PLCG2: variants seen among roughly 807,000 people sequenced by gnomAD.
PLCG2 encodes the protein 1-phosphatidylinositol 4,5-bisphosphate phosphodiesterase gamma-2.
In PLCG2, 69 loss-of-function variants were observed where a neutral mutation model predicts 175.6. The ratio of observed to expected loss-of-function variants is 0.39; its 90% CI spans 0.32 to 0.48. PLCG2 has a LOEUF of 0.48. Among genes scored for constraint, PLCG2 ranks in the 20% least tolerant of loss-of-function variants. The pLI, the probability that PLCG2 is intolerant of heterozygous loss-of-function variation, is 0.91. For missense variants in PLCG2, 1,798 were observed against 1,650.9 expected, an observed-to-expected ratio of 1.09 and a Z score of -1.54; for synonymous variants, 827 against 624.0, an observed-to-expected ratio of 1.33 and a Z score of -4.85.
chr16:81,865,788 C>T lies in PLCG2; in HGVS notation c.480-3426C>T, dbSNP rs546197216. Among the ~76,000 whole-genome samples, 679 of 149,366 alleles carry T rather than the reference C, an allele frequency of 4.5e-3. 10 individuals carry two copies. The highest frequency in any genetic ancestry group is 0.016 in the African/African-American group (642 of 40,258). On this transcript the variant is annotated intron_variant, in intron 5 of 32. Coordinates refer to ENST00000564138, the MANE Select transcript of PLCG2 (RefSeq NM_002661.5). ...AGGACGCTGGCCTCTCCCTTGCTCC[C>T]AGGATGGGCTCCACTGGGCACCAGC...
chr16:81,956,874 C>T lies in PLCG2; in HGVS notation c.3750C>T (p.Asn1250=). 1 of 1,613,042 alleles carries T rather than the reference C, an allele frequency of 6.2e-7. No individual in the cohort carries two copies. Among genetic ancestry groups the T allele is most frequent in the Non-Finnish European group, 8.5e-7 (1 of 1,179,270 alleles). The change falls in exon 32 of 33, where the codon AAC becomes AAT. Residue 1250 remains asparagine, a synonymous_variant. Transcript: ENST00000564138. The stretch of plus-strand genomic sequence containing the variant: ...TCCAGCTGTACCAGGAGAAATGCAA[C>T]AAGAGGTAGGTCAGCCCCTCCACCT... ...NQLQLYQEKC[N]KRLREKRVSN...
chr16:81,899,529 C>T (rs776813206), intron 13 of PLCG2, among the ~76,000 whole-genome samples: 2 of 152,140 alleles, frequency 1.3e-5, no homozygotes, highest in African/African-American at 2.4e-5. Flanking sequence ...GCGATGCACA[C>T]GTGTTCAGCT....
At chr16:81,872,067 G>T (rs1421952514) in intron 7 of PLCG2, among the ~76,000 whole-genome samples, 2 of 152,108 alleles carry the variant, frequency 1.3e-5, no homozygotes, top group Non-Finnish European at 2.9e-5. Flanking sequence ...AGTGGTTGAC[G>T]CCTGTAACCC....
chr16:81,896,535 G>A (rs1567521588), intron 13 of PLCG2, among the ~76,000 whole-genome samples: 1 of 151,878 alleles, frequency 6.6e-6, no homozygotes, highest in Non-Finnish European at 1.5e-5. Context: ...GTCACATTGC[G>A]CCACTGCACT....
At chr16:81,790,473 G>T (rs1911180886) in intron 2 of PLCG2, among the ~76,000 whole-genome samples, 1 of 152,182 alleles carries the variant, frequency 6.6e-6, no homozygotes, top group Admixed American at 6.5e-5. Context: ...CCTGGGTGGG[G>T]ACTGTCAGTG....
chr16:81,768,819 G>A (rs530150277), intron 2 of PLCG2, among the ~76,000 whole-genome samples: 6 of 152,098 alleles, frequency 3.9e-5, no homozygotes, highest in South Asian at 2.1e-4. Flanking sequence ...CATGCACCTC[G>A]GCCTCCCAAA....
intron 24 of PLCG2, among the ~76,000 whole-genome samples, chr16:81,929,967 C>T (rs1910433513): frequency 6.6e-6 from 1 of 152,200 alleles, no homozygotes; most frequent in African/African-American, 2.4e-5. Context: ...CAGGTTTGAA[C>T]TGAGCCTCAG....
chr16:81,855,452 G>A (rs1906636136), intron 3 of PLCG2, among the ~76,000 whole-genome samples: 1 of 152,204 alleles, frequency 6.6e-6, no homozygotes, highest in Non-Finnish European at 1.5e-5. Context: ...GGGTGAGGCA[G>A]CTGTCAAAGT....
chr16:81,744,182 T>C (rs1199578426), intron 1 of PLCG2, among the ~76,000 whole-genome samples: 2 of 145,926 alleles, frequency 1.4e-5, no homozygotes, highest in Non-Finnish European at 3.0e-5. Context: ...TTTTTTTTTT[T>C]GTTTGAGATG....
Position 81,854,460 on chromosome 16 carries a change from A to T in PLCG2, c.210A>T (p.Ile70=), listed in dbSNP as rs1374219536. The part of the protein sequence containing the change: ...KIEGFLDIME[I]KEIRPGKNSK... Reference sequence around the variant, plus strand: ...TCATTTTAGTGGATATCATGGAAATAAAAGAAATCCGCCCAGGGAAGAACT... The same window carrying T: ...TCATTTTAGTGGATATCATGGAAATTAAAGAAATCCGCCCAGGGAAGAACT... The change falls in exon 3 of 33, where the codon ATA becomes ATT. Residue 70 remains isoleucine (I), a synonymous_variant. Transcript: ENST00000564138. 1.2e-6 allele frequency: 2 copies of T among 1,613,958 alleles called. No homozygotes were observed. Among genetic ancestry groups the T allele is most frequent in the Non-Finnish European group, 1.7e-6 (2 of 1,179,918 alleles).
At chr16:81,850,070 A>T (rs1906328778) in intron 2 of PLCG2, among the ~76,000 whole-genome samples, 1 of 152,242 alleles carries the variant, frequency 6.6e-6, no homozygotes, top group Non-Finnish European at 1.5e-5. Context: ...AACAAAAGTA[A>T]ACAAGGAGAC....
At chr16:81,823,452 C>T (rs1285215314) in intron 2 of PLCG2, among the ~76,000 whole-genome samples, 6 of 152,230 alleles carry the variant, frequency 3.9e-5, no homozygotes, top group Admixed American at 1.3e-4. Context: ...AGGGGCTGCA[C>T]TGTCTGATCT....
rs1354893836 is a variant in PLCG2 at position 81,957,003 on chromosome 16, CATGGTGGCTCACAGGCCAG to C, written c.3755+125_3755+143del. 1.2e-3 allele frequency: 744 copies of C among 607,782 alleles called. 6 individuals are homozygous for C. In the African/African-American group the frequency reaches 0.029, roughly 23 times the overall value. The allele number at this position is 607,782 out of a possible 1,614,324, so 37.6% of individuals were successfully genotyped here. A position where few individuals can be genotyped will look rare whatever the true frequency, so the allele number is the denominator to read the frequency against. ...CTTTCTTCAGAAATCCTTGGCCGGG[CATGGTGGCTCACAGGCCAG>C]GCATGGTGGCTCATGCCTGTAATCC... On this transcript the variant is annotated intron_variant, in intron 32 of 32. Transcript: ENST00000564138.
At chr16:81,778,694 C>T (rs1307444898), upstream of PLCG2, among the ~76,000 whole-genome samples, 4 of 152,212 alleles carry the variant, frequency 2.6e-5, no homozygotes, top group East Asian at 3.8e-4. Context: ...TTTAAGTGGT[C>T]TGCCTAAGGT....
intron 6 of PLCG2, among the ~76,000 whole-genome samples, chr16:81,869,907 A>G (rs142662858): frequency 1.3e-4 from 20 of 152,196 alleles, no homozygotes; most frequent in Non-Finnish European, 2.5e-4. Context: ...ACAGGGAAAT[A>G]CTCATTCTTC....
At chr16:81,823,363 C>G (rs1296617183) in intron 2 of PLCG2, among the ~76,000 whole-genome samples, 1 of 152,188 alleles carries the variant, frequency 6.6e-6, no homozygotes, top group Non-Finnish European at 1.5e-5. Context: ...AGAGGCCAGG[C>G]TTCCTGTCTG....
intron 3 of PLCG2, among the ~76,000 whole-genome samples, chr16:81,855,902 T>C (rs1906658639): frequency 6.6e-6 from 1 of 151,978 alleles, no homozygotes; most frequent in South Asian, 2.1e-4. Context: ...TTGGTAGAGA[T>C]GGGGTAGGAG....
At chr16:81,944,488 G>T (rs751127317) in intron 30 of PLCG2, among the ~76,000 whole-genome samples, 2 of 152,128 alleles carry the variant, frequency 1.3e-5, no homozygotes, top group Non-Finnish European at 1.5e-5. Context: ...TAGAGACAAG[G>T]TCTTCCCTCT....
chr16:81,802,628 G>A (rs1371366741), intron 2 of PLCG2, among the ~76,000 whole-genome samples: 1 of 152,012 alleles, frequency 6.6e-6, no homozygotes, highest in African/African-American at 2.4e-5. Flanking sequence ...CTGGAGTGCA[G>A]TGGCGCAATC....
Sources: gnomAD v4.1 joint callset for allele counts (sites outside exome capture counted in the v4.1 genomes callset) on GRCh38, gnomAD v4.1.1 for gene constraint, MANE v1.5 for transcripts, NCBI Gene and HGNC (gene_info 2026-07-23, HGNC 2026-07-21) for gene names.